The following WWTR1 variants were observed in gnomAD, a reference collection of about 807,000 sequenced individuals.
WWTR1 encodes WW domain-containing transcription regulator protein 1.
Under a neutral mutation model 40.1 loss-of-function variants are expected in WWTR1, and 13 were observed. The ratio of observed to expected loss-of-function variants is 0.32; its 90% CI spans 0.21 to 0.52. The LOEUF is 0.52. Ranked by LOEUF, WWTR1 falls within the 20% of genes least tolerant of loss-of-function variation. The pLI is 0.97. For synonymous variants in WWTR1, 230 were observed against 210.1 expected, an observed-to-expected ratio of 1.09 and a Z score of -0.82; for missense variants, 436 against 523.1, an observed-to-expected ratio of 0.83 and a Z score of 1.63.
chr3:149,580,800 A>T (rs1738117883), intron 2 of WWTR1, among the ~76,000 whole-genome samples: 2 of 151,866 alleles, frequency 1.3e-5, no homozygotes, highest in Admixed American at 1.3e-4. Context: ...TTTAGTAGAG[A>T]TGGGGTTTCA....
chr3:149,628,732 TA>T (rs1711497878), intron 2 of WWTR1, among the ~76,000 whole-genome samples: 3 of 147,318 alleles, frequency 2.0e-5, no homozygotes, highest in African/African-American at 5.2e-5. Flanking sequence ...TGATTCTTTT[TA>T]TTTTTTTTAT....
chr3:149,651,564 G>A (rs1416841829), intron 2 of WWTR1, among the ~76,000 whole-genome samples: 1 of 152,128 alleles, frequency 6.6e-6, no homozygotes, highest in Non-Finnish European at 1.5e-5. Flanking sequence ...CACATTAAAA[G>A]GCAATCAGAA....
chr3:149,709,984 G>A (rs1028686661), intron 5 of WWTR1, among the ~76,000 whole-genome samples: 3 of 152,186 alleles, frequency 2.0e-5, no homozygotes, highest in African/African-American at 7.2e-5. Context: ...GGAACGGAAT[G>A]AGGCTGGCTG....
chr3:149,683,537 T>C (rs555639468), intron 1 of WWTR1, among the ~76,000 whole-genome samples: 1 of 152,028 alleles, frequency 6.6e-6, no homozygotes, highest in South Asian at 2.1e-4. Flanking sequence ...CTACTAAAAA[T>C]ACAAAAATTA....
chr3:149,665,014 A>G (rs541837895), intron 2 of WWTR1, among the ~76,000 whole-genome samples: 1 of 152,154 alleles, frequency 6.6e-6, no homozygotes, highest in African/African-American at 2.4e-5. Context: ...ATCCTTTAGT[A>G]TTTTTGCTAT....
At chr3:149,539,311 G>T (rs766465876) in intron 4 of WWTR1, among the ~76,000 whole-genome samples, 1 of 152,180 alleles carries the variant, frequency 6.6e-6, no homozygotes, top group African/African-American at 2.4e-5. Flanking sequence ...TATAGACAGC[G>T]TGATAATTTA....
chr3:149,596,072 T>C (rs1560077216), intron 2 of WWTR1, among the ~76,000 whole-genome samples: 1 of 151,882 alleles, frequency 6.6e-6, no homozygotes, highest in Non-Finnish European at 1.5e-5. Flanking sequence ...AAAACCAAGT[T>C]CTCCATAAAC....
upstream of WWTR1, chr3:149,659,918 T>C (rs1195476778): frequency 7.9e-6 from 1 of 126,380 alleles, no homozygotes; most frequent in East Asian, 2.4e-4. Flanking sequence ...ACACGTATCA[T>C]CCTTTTTTTT....
intron 1 of WWTR1, among the ~76,000 whole-genome samples, chr3:149,693,564 T>G (rs1225370189): frequency 6.6e-6 from 1 of 152,178 alleles, no homozygotes; most frequent in African/African-American, 2.4e-5. Flanking sequence ...GGAATCACAT[T>G]ACTTGACTTC....
intron 1 of WWTR1, among the ~76,000 whole-genome samples, chr3:149,695,486 C>A (rs548129850): frequency 6.6e-6 from 1 of 151,966 alleles, no homozygotes; most frequent in Non-Finnish European, 1.5e-5. Flanking sequence ...AAGGGATGGG[C>A]GCAGTGGCTT....
intron 2 of WWTR1, among the ~76,000 whole-genome samples, chr3:149,582,486 G>C (rs1372449156): frequency 6.6e-6 from 1 of 151,956 alleles, no homozygotes; most frequent in Non-Finnish European, 1.5e-5. Flanking sequence ...AGCACTTTGG[G>C]AGGCTGAGGC....
intron 6 of WWTR1, 21 bp downstream of exon 6, chr3:149,525,992 G>A: frequency 6.8e-7 from 1 of 1,471,450 alleles, no homozygotes; most frequent in East Asian, 2.4e-5. Flanking sequence ...CATTGTAAGT[G>A]CTTGCAGGCT....
chr3:149,678,819 A>G (rs1350841639), intron 1 of WWTR1, among the ~76,000 whole-genome samples: 1 of 136,498 alleles, frequency 7.3e-6, no homozygotes, highest in Admixed American at 7.8e-5. Flanking sequence ...CGTGTTCACA[A>G]GTATTTTTTT....
chr3:149,584,641 A>G (rs1298345565), intron 2 of WWTR1, among the ~76,000 whole-genome samples: 1 of 152,188 alleles, frequency 6.6e-6, no homozygotes, highest in Non-Finnish European at 1.5e-5. Context: ...ATCAGGAAAC[A>G]CAGCTTATGG....
At chr3:149,660,564 C>T (rs4681534), upstream of WWTR1, among the ~76,000 whole-genome samples, 60,995 of 152,124 alleles carry the variant, frequency 0.4, 12,239 homozygotes, top group Middle Eastern at 0.52. Context: ...ATTCCAACAA[C>T]AGCTTCAGAT....
chr3:149,721,047 T>G (rs1342128599), intron 4 of WWTR1, among the ~76,000 whole-genome samples: 1 of 152,320 alleles, frequency 6.6e-6, no homozygotes, highest in African/African-American at 2.4e-5. Flanking sequence ...TATGAGATCA[T>G]GTCATCTGCA....
intron 2 of WWTR1, among the ~76,000 whole-genome samples, chr3:149,603,681 A>G: frequency 6.6e-6 from 1 of 151,994 alleles, no homozygotes; most frequent in Non-Finnish European, 1.5e-5. Context: ...TGAAATCATG[A>G]CAGTGATTAA....
At chr3:149,526,887 A>G (rs1735344170) in intron 5 of WWTR1, among the ~76,000 whole-genome samples, 4 of 152,254 alleles carry the variant, frequency 2.6e-5, no homozygotes, top group Admixed American at 2.6e-4. Flanking sequence ...ACTTCTGCTC[A>G]TGAAGATATT....
chr3:149,704,822 AAGAG>A (rs1357562671), upstream of WWTR1, among the ~76,000 whole-genome samples: 1 of 151,970 alleles, frequency 6.6e-6, no homozygotes, highest in African/African-American at 2.4e-5. Flanking sequence ...CCTACCAAAG[AAGAG>A]AGAGACAGAA....
Sources: allele counts gnomAD v4.1 joint callset (sites outside exome capture counted in the v4.1 genomes callset), GRCh38; gene constraint gnomAD v4.1.1; transcripts MANE v1.5; gene names NCBI Gene and HGNC (gene_info 2026-07-23, HGNC 2026-07-21).